Variants in CCDC191 observed in about 807,000 individuals in gnomAD.
The protein encoded by CCDC191 is coiled-coil domain containing 191.
CCDC191 carries 99 observed loss-of-function variants against 114.0 expected under a neutral mutation model. The observed-to-expected ratio is 0.87, with a 90% CI of 0.74 to 1.03. The LOEUF (loss-of-function observed/expected upper bound fraction) is 1.03, where lower values mean the gene tolerates loss of function less well. CCDC191 is among the 50% of genes least tolerant of loss of function. CCDC191 has a pLI of 0.00. For synonymous variants in CCDC191, 351 were observed against 376.0 expected, an observed-to-expected ratio of 0.93 and a Z score of 0.77; for missense variants, 973 against 1,087.0, an observed-to-expected ratio of 0.90 and a Z score of 1.47.
At chr3:113,983,200 T>C (rs2075230865) in intron 13 of CCDC191, among the ~76,000 whole-genome samples, 1 of 152,206 alleles carries the variant, frequency 6.6e-6, no homozygotes, top group Admixed American at 6.5e-5. Context: ...CTTTTTTCTC[T>C]TGGTGTTTTG....
At chr3:114,020,213 C>T (rs1280222170) in intron 7 of CCDC191, among the ~76,000 whole-genome samples, 1 of 152,136 alleles carries the variant, frequency 6.6e-6, no homozygotes, top group Non-Finnish European at 1.5e-5. Flanking sequence ...TTTGGGGACT[C>T]TGCACAAAAT....
rs1451428151 is a variant in CCDC191 at position 113,985,615 on chromosome 3, C to A, written c.2164-4822G>T. Among the ~76,000 whole-genome samples, 6 of 152,154 alleles carry A rather than the reference C, an allele frequency of 3.9e-5. No individual in the cohort carries two copies. In the East Asian group the frequency reaches 1.2e-3, roughly 29 times the overall value. ...CCATCGTCCACACCCAATCACCACA[C>A]TTATATAAGCTTCCAATAATAATAG... On this transcript the variant is annotated intron_variant, in intron 13 of 16. Transcript: ENST00000295878.
upstream of CCDC191, chr3:114,056,575 C>T (rs1201879888): frequency 1.2e-6 from 2 of 1,600,246 alleles, no homozygotes; most frequent in Non-Finnish European, 8.5e-7. Context: ...GCAAGGAAAG[C>T]AGGCATAGGA....
At chr3:114,035,182 C>T in intron 5 of CCDC191, 34 bp from the exon 6 acceptor site, 1 of 1,502,226 alleles carries the variant, frequency 6.7e-7, no homozygotes, top group Non-Finnish European at 9.2e-7. Context: ...GAAGTGTGGC[C>T]TTTCAAGTAG....
Position 114,028,435 on chromosome 3 carries a change from G to A in CCDC191, c.972+3191C>T, listed in dbSNP as rs183632946. The stretch of plus-strand genomic sequence containing the variant: ...CGAGTAGCTGGGACTACAGGCGCCC[G>A]CCACCATGCCTGGCTAATTTTTTGT... On this transcript the variant is annotated intron_variant, in intron 7 of 16. Transcript: ENST00000295878. 7.6e-3 allele frequency among the ~76,000 whole-genome samples: 1,149 copies of A among 151,746 alleles called. 9 individuals carry two copies. Among genetic ancestry groups the A allele is most frequent in the Non-Finnish European group, 0.011 (762 of 67,920 alleles).
At chr3:114,036,552 G>A in intron 5 of CCDC191, 56 bp downstream of exon 5, 1 of 1,261,280 alleles carries the variant, frequency 7.9e-7, no homozygotes, top group Non-Finnish European at 1.1e-6. Flanking sequence ...CTTATTAAAT[G>A]TGTTACACAA....
At chr3:113,972,181 GT>G in intron 16 of CCDC191, among the ~76,000 whole-genome samples, 1 of 151,954 alleles carries the variant, frequency 6.6e-6, no homozygotes, top group East Asian at 1.9e-4. Flanking sequence ...ATTTTTTGAA[GT>G]CTGTCAACTT....
chr3:114,002,843 T>C, intron 11 of CCDC191: 1 of 970,816 alleles, frequency 1.0e-6, no homozygotes, highest in Non-Finnish European at 1.2e-6. Context: ...TTTTAGTATA[T>C]GAAACCCAGA....
intron 16 of CCDC191, among the ~76,000 whole-genome samples, chr3:113,971,066 T>G (rs1940769951): frequency 6.6e-6 from 1 of 152,230 alleles, no homozygotes; most frequent in East Asian, 1.9e-4. Flanking sequence ...TTTATAATCC[T>G]TTGGGTATAT....
intron 9 of CCDC191, among the ~76,000 whole-genome samples, chr3:114,006,587 G>GATATATATATATAT (rs67264886): frequency 1.6e-3 from 135 of 82,570 alleles, no homozygotes; most frequent in East Asian, 0.012. Flanking sequence ...GGTTACTCCA[G>GATATATATATATAT]ATATATATAT....
chr3:114,024,296 T>C (rs1284255407), intron 7 of CCDC191, among the ~76,000 whole-genome samples: 1 of 152,202 alleles, frequency 6.6e-6, no homozygotes, highest in Non-Finnish European at 1.5e-5. Flanking sequence ...GTGTGGCGAT[T>C]CCTCAGGGAT....
intron 6 of CCDC191, among the ~76,000 whole-genome samples, chr3:114,034,296 A>T (rs2076449322): frequency 6.6e-6 from 1 of 152,214 alleles, no homozygotes; most frequent in African/African-American, 2.4e-5. Context: ...TCAATGTAAT[A>T]CCTATTAAAA....
chr3:114,005,862 C>A lies in CCDC191; in HGVS notation c.1514G>T (p.Gly505Val). ...ACTCAGAGAGACATTCTGAAGGGAA[C>A]CCTGCAAGTTGCCTGTTGTTGTTCT... The part of the protein sequence containing the change: ...LGRTTTGNLQ[G>V]SLQNVSLSAP... Residue 505 changes from glycine to valine, a missense_variant, in exon 10 of 17, where the codon GGT (glycine) becomes GTT (valine). Coordinates refer to ENST00000295878, the MANE Select transcript of CCDC191 (RefSeq NM_020817.2). 6.2e-7 allele frequency: 1 copy of A among 1,614,036 alleles called. No homozygotes were observed. Among genetic ancestry groups the A allele is most frequent in the Non-Finnish European group, 8.5e-7 (1 of 1,179,978 alleles).
At chr3:114,025,165 T>C (rs1310297297) in intron 7 of CCDC191, among the ~76,000 whole-genome samples, 1 of 151,436 alleles carries the variant, frequency 6.6e-6, no homozygotes. Flanking sequence ...ACCCCGGCTA[T>C]AGACAAAAAA....
rs1158119058 is a variant in CCDC191 at position 114,035,048 on chromosome 3, T to G, written c.695A>C (p.Gln232Pro). The change falls in exon 6 of 17, where the codon CAA becomes CCA. Residue 232 changes from glutamine (Q) to proline (P), a missense_variant. Coordinates refer to ENST00000295878, the MANE Select transcript of CCDC191 (RefSeq NM_020817.2). Reference protein sequence around the residue: ...SAFLEAQCLVQEEKKRKALEA... With the variant: ...SAFLEAQCLVPEEKKRKALEA... Reference sequence around the variant, plus strand: ...CAGAGCCTTCCTTTTCTTCTCTTCTTGCACCAGACACTGAGCCTCCAAGAA... The same window carrying G: ...CAGAGCCTTCCTTTTCTTCTCTTCTGGCACCAGACACTGAGCCTCCAAGAA... 1 of 1,614,166 alleles carries G rather than the reference T, an allele frequency of 6.2e-7. No homozygotes were observed. The highest frequency in any genetic ancestry group is 8.5e-7 in the Non-Finnish European group (1 of 1,180,008).
At chr3:113,968,619 GT>G (rs1194856272) in intron 16 of CCDC191, among the ~76,000 whole-genome samples, 1 of 145,324 alleles carries the variant, frequency 6.9e-6, no homozygotes, top group Non-Finnish European at 1.5e-5. Flanking sequence ...CTGGCTAATA[GT>G]TTTTTGTTTT....
intron 4 of CCDC191, among the ~76,000 whole-genome samples, chr3:114,038,785 G>A (rs2076521661): frequency 6.6e-6 from 1 of 152,174 alleles, no homozygotes; most frequent in Admixed American, 6.5e-5. Flanking sequence ...CGCAGGAACA[G>A]AAAACCAAAC....
At chr3:114,043,184 G>A (rs545153352) in intron 3 of CCDC191, among the ~76,000 whole-genome samples, 1 of 152,244 alleles carries the variant, frequency 6.6e-6, no homozygotes, top group African/African-American at 2.4e-5. Flanking sequence ...AGAGAAGTGA[G>A]GATCTATAAG....
intron 2 of CCDC191, among the ~76,000 whole-genome samples, chr3:114,048,994 C>T (rs1283811857): frequency 2.0e-5 from 3 of 152,242 alleles, no homozygotes; most frequent in African/African-American, 7.2e-5. Flanking sequence ...TATGGAAAGA[C>T]TGGTGGAACC....
Sources: allele counts gnomAD v4.1 joint callset (sites outside exome capture counted in the v4.1 genomes callset), GRCh38; gene constraint gnomAD v4.1.1; transcripts MANE v1.5; gene names NCBI Gene and HGNC (gene_info 2026-07-23, HGNC 2026-07-21).